The following AIM2 variants were observed in gnomAD, a reference collection of about 807,000 sequenced individuals.
AIM2 encodes the protein interferon-inducible protein AIM2.
Under a neutral mutation model 27.7 loss-of-function variants are expected in AIM2, and 30 were observed. The observed-to-expected ratio is 1.08, with a 90% CI of 0.81 to 1.47. The LOEUF (loss-of-function observed/expected upper bound fraction) is 1.47. Among genes scored for constraint, AIM2 ranks in the 40% most tolerant of loss-of-function variants. The probability of loss-of-function intolerance (pLI) is 0.00; values close to 1 mark genes in which losing one functional copy is unlikely to be tolerated. For synonymous variants in AIM2, 141 were observed against 145.3 expected, an observed-to-expected ratio of 0.97 and a Z score of 0.21; for missense variants, 358 against 411.3, an observed-to-expected ratio of 0.87 and a Z score of 1.12.
intron 1 of AIM2, among the ~76,000 whole-genome samples, chr1:159,107,557 G>A (rs1324063557): frequency 6.6e-6 from 1 of 151,934 alleles, no homozygotes; most frequent in Non-Finnish European, 1.5e-5. Context: ...CTCTAGGACA[G>A]GAGCACACCC....
chr1:159,084,778 TACACACACAC>T lies in AIM2; in HGVS notation c.-15-18459_-15-18450del, dbSNP rs113134051. Among the ~76,000 whole-genome samples, 111 of 135,138 alleles carry T rather than the reference TACACACACAC, an allele frequency of 8.2e-4. No individual in the cohort carries two copies. The East Asian group carries it at 0.012, about 14-fold the overall frequency. 88.7% of individuals were successfully genotyped at this position (135,138 alleles called of 152,430 possible). ...TGACAGAGCAAAACCCTGTCTGAAA[TACACACACAC>T]ACACACACACACACACACACACACA... On this transcript the variant is annotated intron_variant, in intron 1 of 2. Coordinates refer to the AIM2 transcript ENST00000368129.
chr1:159,145,611 T>C (rs1170741130), intron 1 of AIM2, among the ~76,000 whole-genome samples: 3 of 152,156 alleles, frequency 2.0e-5, no homozygotes, highest in Non-Finnish European at 4.4e-5. Context: ...TTGAGGCCTC[T>C]CAAGCCTTTC....
intron 1 of AIM2, among the ~76,000 whole-genome samples, chr1:159,084,094 C>T (rs1392511375): frequency 6.6e-6 from 1 of 152,172 alleles, no homozygotes; most frequent in African/African-American, 2.4e-5. Context: ...AGTGAGGGAA[C>T]AGAGTTTAAA....
chr1:159,073,340 G>A lies in AIM2; in HGVS notation c.160C>T (p.Gln54Ter), dbSNP rs1474299970. ...ACTGCAGACACCGCCCCAGCATTTT[G>A]AATCATCAAGGTAGCTACTTGTATT... ...NRIQVATLMI[Q>*]NAGAVSAVMK... The change falls in exon 2 of 6, where the codon CAA becomes TAA. Residue 54 changes from glutamine to a stop codon, truncating the protein, a stop_gained. Transcript: ENST00000368130. LOFTEE classifies it high-confidence loss of function. The A allele has an allele frequency of 1.9e-6, 3 of 1,614,190 alleles. No individual in the cohort carries two copies. Among genetic ancestry groups the A allele is most frequent in the Admixed American group, 3.3e-5 (2 of 60,018 alleles).
chr1:159,068,733 G>T, intron 2 of AIM2, 32 bp from the exon 3 acceptor site: 1 of 1,608,320 alleles, frequency 6.2e-7, no homozygotes, highest in African/African-American at 1.3e-5. Context: ...TGGCCAATAA[G>T]CATATAAACA....
chr1:159,068,298 G>C (rs533544705), intron 3 of AIM2, among the ~76,000 whole-genome samples: 13 of 152,226 alleles, frequency 8.5e-5, no homozygotes, highest in Admixed American at 2.6e-4. Flanking sequence ...TGTAAACAAC[G>C]GTCTATCTCA....
intron 1 of AIM2, among the ~76,000 whole-genome samples, chr1:159,117,240 AGAGAG>A (rs1285796315): frequency 6.6e-6 from 1 of 152,180 alleles, no homozygotes; most frequent in Non-Finnish European, 1.5e-5. Context: ...AGAAAGACAC[AGAGAG>A]AGGCTGAAGG....
rs193249024 is a variant in AIM2, at chr1:159,075,267, T to C, written c.-21+1366A>G. 1.7e-3 allele frequency among the ~76,000 whole-genome samples: 263 copies of C among 152,236 alleles called. 1 individual carries two copies. Among genetic ancestry groups the C allele is most frequent in the Non-Finnish European group, 2.3e-3 (158 of 68,008 alleles). On this transcript the variant is annotated intron_variant, in intron 1 of 5. Coordinates refer to ENST00000368130, the MANE Select transcript of AIM2 (RefSeq NM_004833.3). ...AATGATATATTCAGCCTTTCTCTTA[T>C]ATCATACACAAAATATATATCTGGT...
At chr1:159,063,005 A>T (rs1655902070) in intron 5 of AIM2, among the ~76,000 whole-genome samples, 1 of 152,178 alleles carries the variant, frequency 6.6e-6, no homozygotes, top group South Asian at 2.1e-4. Flanking sequence ...GACCTGGGGA[A>T]GAGCACCAAG....
chr1:159,103,746 A>G (rs1657363168), intron 1 of AIM2, among the ~76,000 whole-genome samples: 2 of 152,016 alleles, frequency 1.3e-5, no homozygotes, highest in Admixed American at 1.3e-4. Context: ...CTTTCTTCTC[A>G]CTTTCACTTC....
chr1:159,115,475 CAAAA>C (rs926647341), intron 1 of AIM2, among the ~76,000 whole-genome samples: 8 of 152,214 alleles, frequency 5.3e-5, no homozygotes, highest in African/African-American at 1.9e-4. Context: ...GGTACTGGTA[CAAAA>C]ACAGAGATAT....
chr1:159,102,318 T>C (rs2078724), intron 1 of AIM2, among the ~76,000 whole-genome samples: 130,555 of 152,226 alleles, frequency 0.86, 57,443 homozygotes, highest in East Asian at 1. Flanking sequence ...TATGGAAATG[T>C]CTGCGTGTCT....
intron 1 of AIM2, among the ~76,000 whole-genome samples, chr1:159,118,876 C>T (rs1213525919): frequency 6.6e-6 from 1 of 151,834 alleles, no homozygotes; most frequent in Non-Finnish European, 1.5e-5. Context: ...GCATACATAA[C>T]GGGTGTATTA....
At chr1:159,073,654 A>C in intron 1 of AIM2, 135 bp from the exon 2 acceptor site, 1 of 858,894 alleles carries the variant, frequency 1.2e-6, no homozygotes, top group South Asian at 1.9e-5. Context: ...TGAGTAGGAC[A>C]TAGGTAAGAA....
At chr1:159,101,536 A>G (rs943834519) in intron 1 of AIM2, among the ~76,000 whole-genome samples, 2 of 152,238 alleles carry the variant, frequency 1.3e-5, no homozygotes, top group South Asian at 4.1e-4. Flanking sequence ...TAACAGGCAG[A>G]GGTTAGAACA....
upstream of AIM2, among the ~76,000 whole-genome samples, chr1:159,141,069 G>A (rs1372863983): frequency 6.6e-6 from 1 of 152,114 alleles, no homozygotes. Context: ...AGTGAGTGAT[G>A]AGCTTGAGCG....
At chr1:159,090,062 C>T (rs1008552905) in intron 1 of AIM2, among the ~76,000 whole-genome samples, 1 of 152,202 alleles carries the variant, frequency 6.6e-6, no homozygotes, top group Non-Finnish European at 1.5e-5. Flanking sequence ...TTCAAGGTCA[C>T]AGCCTTCTTG....
chr1:159,112,940 T>C (rs1200610954), intron 1 of AIM2, among the ~76,000 whole-genome samples: 1 of 150,502 alleles, frequency 6.6e-6, no homozygotes, highest in Non-Finnish European at 1.5e-5. Flanking sequence ...CATACATATA[T>C]ATATATATAT....
intron 1 of AIM2, among the ~76,000 whole-genome samples, chr1:159,136,879 T>C (rs1309904949): frequency 1.3e-5 from 2 of 152,198 alleles, no homozygotes; most frequent in African/African-American, 2.4e-5. Context: ...TAAATCACTT[T>C]TGTAGGTGGA....
Sources: gnomAD v4.1 joint callset for allele counts (sites outside exome capture counted in the v4.1 genomes callset) on GRCh38, gnomAD v4.1.1 for gene constraint, MANE v1.5 for transcripts, NCBI Gene and HGNC (gene_info 2026-07-23, HGNC 2026-07-21) for gene names.